Variants in MALRD1 observed in about 807,000 individuals in gnomAD.
MALRD1 encodes the protein MAM and LDL-receptor class A domain-containing protein 1.
MALRD1 carries 247 observed loss-of-function variants against 242.1 expected under a neutral mutation model. The observed-to-expected ratio is 1.02, with a 90% CI of 0.92 to 1.13. The LOEUF (loss-of-function observed/expected upper bound fraction) is 1.13. MALRD1 is among the 50% of genes most tolerant of loss of function. The pLI, the probability that MALRD1 is intolerant of heterozygous loss-of-function variation, is 0.00. For synonymous variants in MALRD1, 995 were observed against 866.6 expected, an observed-to-expected ratio of 1.15 and a Z score of -2.60; for missense variants, 2,989 against 2,533.1, an observed-to-expected ratio of 1.18 and a Z score of -3.86.
chr10:19,071,202 A>C (rs1835136345), intron 2 of MALRD1, among the ~76,000 whole-genome samples: 1 of 151,794 alleles, frequency 6.6e-6, no homozygotes, highest in African/African-American at 2.4e-5. Flanking sequence ...TATCAATTCA[A>C]TTCCTCTAGG....
chr10:19,177,824 C>G (rs1835326936), intron 14 of MALRD1, among the ~76,000 whole-genome samples: 1 of 152,070 alleles, frequency 6.6e-6, no homozygotes, highest in East Asian at 1.9e-4. Flanking sequence ...TTCAGAGTCT[C>G]CTTGACTCCT....
At chr10:19,551,389 G>T (rs1835462464) in intron 32 of MALRD1, among the ~76,000 whole-genome samples, 1 of 151,888 alleles carries the variant, frequency 6.6e-6, no homozygotes, top group Non-Finnish European at 1.5e-5. Context: ...TTTATTCCAG[G>T]CTCAGCTCTT....
chr10:19,078,334 T>C lies in MALRD1; in HGVS notation c.341-9506T>C, dbSNP rs554700186. Among the ~76,000 whole-genome samples the C allele has an allele frequency of 8.6e-5, 13 of 151,970 alleles. No homozygotes were observed. The South Asian group carries it at 2.7e-3, about 32-fold the overall frequency. On this transcript the variant is annotated intron_variant, in intron 2 of 39. Transcript: ENST00000454679. ...ACATGGTCGTTTGTTTTTTGTTCTT[T>C]ACTTGATCAATATGGTGTTTGTATT...
chr10:19,292,901 A>C (rs1161694510), intron 21 of MALRD1, among the ~76,000 whole-genome samples: 3 of 151,564 alleles, frequency 2.0e-5, no homozygotes, highest in Non-Finnish European at 2.9e-5. Flanking sequence ...TCAAAAAAAA[A>C]AAAAAAAAAA....
At chr10:19,480,898 AG>A (rs1836967335) in intron 29 of MALRD1, among the ~76,000 whole-genome samples, 8 of 152,128 alleles carry the variant, frequency 5.3e-5, no homozygotes, top group Admixed American at 5.2e-4. Flanking sequence ...GGCATAACCT[AG>A]GGTTCAGCAA....
intron 20 of MALRD1, among the ~76,000 whole-genome samples, chr10:19,282,729 T>G (rs1421009491): frequency 6.6e-6 from 1 of 152,180 alleles, no homozygotes; most frequent in African/African-American, 2.4e-5. Context: ...TTAATGGAAG[T>G]GCTTAAATTG....
At chr10:19,547,966 A>G (rs1835313978) in intron 32 of MALRD1, among the ~76,000 whole-genome samples, 1 of 113,526 alleles carries the variant, frequency 8.8e-6, no homozygotes, top group Non-Finnish European at 1.8e-5. Flanking sequence ...TTCTCCCAGC[A>G]TTTCAAGCTT....
chr10:19,431,845 A>G (rs141824650), intron 28 of MALRD1, among the ~76,000 whole-genome samples: 81 of 152,276 alleles, frequency 5.3e-4, no homozygotes, highest in African/African-American at 1.7e-3. Flanking sequence ...ATGAACGACA[A>G]TGTGCCACGG....
At chr10:19,186,269 G>A (rs1055035900) in intron 14 of MALRD1, among the ~76,000 whole-genome samples, 10 of 152,198 alleles carry the variant, frequency 6.6e-5, no homozygotes, top group Middle Eastern at 3.4e-3. Context: ...CAGACAAACC[G>A]CTCTAGACAG....
intron 25 of MALRD1, among the ~76,000 whole-genome samples, chr10:19,348,615 A>G (rs1221454289): frequency 6.6e-6 from 1 of 152,142 alleles, no homozygotes; most frequent in Non-Finnish European, 1.5e-5. Flanking sequence ...AAAAGTATAA[A>G]TAAGGTTGTA....
At chr10:19,238,707 C>G (rs1838613313) in intron 18 of MALRD1, among the ~76,000 whole-genome samples, 1 of 148,504 alleles carries the variant, frequency 6.7e-6, no homozygotes, top group Non-Finnish European at 1.5e-5. Flanking sequence ...ATTTCATTTC[C>G]TATGGATATA....
chr10:19,666,855 A>G (rs1353023946), intron 36 of MALRD1, among the ~76,000 whole-genome samples: 1 of 152,214 alleles, frequency 6.6e-6, no homozygotes, highest in Non-Finnish European at 1.5e-5. Flanking sequence ...ATGAACAAAA[A>G]AAGTTAATAA....
intron 38 of MALRD1, among the ~76,000 whole-genome samples, chr10:19,695,306 T>C (rs1833323482): frequency 1.3e-5 from 2 of 152,164 alleles, no homozygotes; most frequent in African/African-American, 2.4e-5. Flanking sequence ...TTGCCATTAC[T>C]GGTGGTGCCT....
chr10:19,131,341 C>CA (rs1833096134), intron 8 of MALRD1, among the ~76,000 whole-genome samples: 1 of 151,992 alleles, frequency 6.6e-6, no homozygotes, highest in Non-Finnish European at 1.5e-5. Context: ...TTCCAGAGGA[C>CA]ATTAGAACTT....
chr10:19,721,403 A>T (rs910492186), intron 38 of MALRD1, among the ~76,000 whole-genome samples: 2 of 152,186 alleles, frequency 1.3e-5, no homozygotes, highest in African/African-American at 2.4e-5. Context: ...ACCATTAATT[A>T]TGCTAAACAA....
chr10:19,214,368 C>G (rs78113614), intron 18 of MALRD1, among the ~76,000 whole-genome samples: 3,419 of 152,234 alleles, frequency 0.022, 137 homozygotes, highest in East Asian at 0.18. Flanking sequence ...TTGTGGCATA[C>G]ATTTTGGCCA....
At chr10:19,511,640 T>C (rs11812935) in intron 31 of MALRD1, among the ~76,000 whole-genome samples, 20,727 of 152,112 alleles carry the variant, frequency 0.14, 1,522 homozygotes, top group East Asian at 0.22. Flanking sequence ...TATAGAAGAA[T>C]CAAACCTGCA....
chr10:19,470,403 A>C (rs1836436620), intron 29 of MALRD1, among the ~76,000 whole-genome samples: 1 of 152,020 alleles, frequency 6.6e-6, no homozygotes, highest in South Asian at 2.1e-4. Flanking sequence ...TTACGATACC[A>C]GGTGTAAATA....
At chr10:19,291,983 G>A (rs1841452243) in intron 21 of MALRD1, among the ~76,000 whole-genome samples, 1 of 149,964 alleles carries the variant, frequency 6.7e-6, no homozygotes, top group South Asian at 2.1e-4. Context: ...TTACTCAGGA[G>A]GCTGAGTCAG....
Sources: allele counts gnomAD v4.1 joint callset (sites outside exome capture counted in the v4.1 genomes callset), GRCh38; gene constraint gnomAD v4.1.1; transcripts MANE v1.5; gene names NCBI Gene and HGNC (gene_info 2026-07-23, HGNC 2026-07-21).